Variants in KCNMA1 observed in about 807,000 individuals in gnomAD.
KCNMA1 encodes potassium calcium-activated channel subfamily M alpha 1.
Under a neutral mutation model 140.0 loss-of-function variants are expected in KCNMA1, and 29 were observed. The observed-to-expected ratio is 0.21, with a 90% CI of 0.15 to 0.28. The LOEUF (loss-of-function observed/expected upper bound fraction) is 0.28. Among genes scored for constraint, KCNMA1 ranks in the 10% least tolerant of loss-of-function variants. The pLI, the probability that KCNMA1 is intolerant of heterozygous loss-of-function variation, is 1.00. For synonymous variants in KCNMA1, 612 were observed against 611.9 expected (o/e 1.00, Z 0.00); for missense variants, 880 against 1,602.2 (o/e 0.55, Z 7.70).
intron 1 of KCNMA1, among the ~76,000 whole-genome samples, chr10:77,416,079 C>G (rs287183): frequency 6.6e-6 from 1 of 152,166 alleles, no homozygotes; most frequent in Non-Finnish European, 1.5e-5. Flanking sequence ...AGTCTAGGAA[C>G]CACTCCCCTA....
intron 1 of KCNMA1, among the ~76,000 whole-genome samples, chr10:77,520,724 C>T (rs962846206): frequency 3.3e-5 from 5 of 152,104 alleles, no homozygotes; most frequent in African/African-American, 1.2e-4. Context: ...GGATGGTAGG[C>T]TCACCCCAAG....
At chr10:77,480,161 C>T (rs2098361390) in intron 1 of KCNMA1, among the ~76,000 whole-genome samples, 1 of 152,336 alleles carries the variant, frequency 6.6e-6, no homozygotes, top group Non-Finnish European at 1.5e-5. Flanking sequence ...GTTTGTCCCC[C>T]ACACCCCTAA....
intron 14 of KCNMA1, chr10:77,071,131 C>G (rs1047919565): frequency 3.3e-5 from 5 of 152,222 alleles, no homozygotes; most frequent in Admixed American, 3.3e-4. Flanking sequence ...ATTAGCTGAG[C>G]TGGAGCGGAC....
intron 5 of KCNMA1, among the ~76,000 whole-genome samples, chr10:77,134,340 T>C (rs1486413503): frequency 6.6e-6 from 1 of 151,964 alleles, no homozygotes; most frequent in Non-Finnish European, 1.5e-5. Flanking sequence ...GTCAAAAGCA[T>C]GTATGTAAAA....
intron 5 of KCNMA1, among the ~76,000 whole-genome samples, chr10:77,123,049 G>A (rs1307885301): frequency 4.0e-5 from 6 of 151,160 alleles, no homozygotes; most frequent in Non-Finnish European, 7.4e-5. Flanking sequence ...GCGTGGTGGC[G>A]GGCGCCTGTA....
intron 1 of KCNMA1, among the ~76,000 whole-genome samples, chr10:77,424,805 T>C (rs996366511): frequency 4.6e-5 from 7 of 152,248 alleles, no homozygotes; most frequent in Non-Finnish European, 1.0e-4. Context: ...GCACTCAGCC[T>C]GGTTCAGTCC....
intron 3 of KCNMA1, among the ~76,000 whole-genome samples, chr10:77,214,228 T>G (rs77566191): frequency 0.058 from 8,792 of 152,288 alleles, 299 homozygotes; most frequent in South Asian, 0.084. Flanking sequence ...GCTTTCCAAT[T>G]TTCCAAGGCC....
At chr10:77,310,852 A>T (rs185164813) in intron 2 of KCNMA1, among the ~76,000 whole-genome samples, 21 of 152,358 alleles carry the variant, frequency 1.4e-4, no homozygotes, top group Admixed American at 1.4e-3. Context: ...CTTCAGCCCC[A>T]CATGAACAGA....
chr10:77,463,833 T>C (rs908173079), intron 1 of KCNMA1, among the ~76,000 whole-genome samples: 1 of 152,054 alleles, frequency 6.6e-6, no homozygotes, highest in East Asian at 1.9e-4. Context: ...GGAGGCAACA[T>C]GCAAATTAGT....
intron 1 of KCNMA1, among the ~76,000 whole-genome samples, chr10:77,506,845 GT>G: frequency 1.9e-5 from 1 of 53,088 alleles, no homozygotes. Flanking sequence ...GAGAGAGTGT[GT>G]GTGTGTGTGT....
intron 2 of KCNMA1, among the ~76,000 whole-genome samples, chr10:77,262,849 T>C (rs972292637): frequency 6.6e-5 from 10 of 152,110 alleles, no homozygotes; most frequent in Admixed American, 5.2e-4. Flanking sequence ...AAATCTCTTT[T>C]CTTTATAAAT....
chr10:77,546,230 G>A (rs1399872097), intron 1 of KCNMA1, among the ~76,000 whole-genome samples: 2 of 152,142 alleles, frequency 1.3e-5, no homozygotes, highest in Non-Finnish European at 1.5e-5. Flanking sequence ...ATAAGTGAGA[G>A]AACTGTCTCA....
At chr10:76,920,987 CT>C (rs2055532558) in intron 23 of KCNMA1, among the ~76,000 whole-genome samples, 1 of 152,170 alleles carries the variant, frequency 6.6e-6, no homozygotes, top group Non-Finnish European at 1.5e-5. Context: ...ACACAAAGTA[CT>C]TTCTAAATCT....
chr10:77,038,804 G>A (rs777485150), intron 15 of KCNMA1, among the ~76,000 whole-genome samples: 9 of 152,168 alleles, frequency 5.9e-5, no homozygotes, highest in Non-Finnish European at 1.0e-4. Context: ...GCTTCTAAAA[G>A]TGGTGGGATT....
chr10:77,079,988 G>GATGA (rs2096524423), intron 12 of KCNMA1, among the ~76,000 whole-genome samples: 4 of 152,290 alleles, frequency 2.6e-5, no homozygotes, highest in African/African-American at 9.6e-5. Flanking sequence ...GTAATGCATG[G>GATGA]ATGAATTCCA....
intron 1 of KCNMA1, among the ~76,000 whole-genome samples, chr10:77,596,898 T>A (rs1291327026): frequency 6.6e-6 from 1 of 152,204 alleles, no homozygotes; most frequent in Non-Finnish European, 1.5e-5. Flanking sequence ...TCTCTTTTTA[T>A]AGGTGTGACT....
intron 18 of KCNMA1, among the ~76,000 whole-genome samples, chr10:77,010,995 T>C (rs772026604): frequency 6.6e-6 from 1 of 152,014 alleles, no homozygotes; most frequent in Non-Finnish European, 1.5e-5. Flanking sequence ...AATCTCATCC[T>C]CTCAAACTTG....
chr10:77,504,848 C>T (rs1268162370), intron 1 of KCNMA1, among the ~76,000 whole-genome samples: 5 of 152,080 alleles, frequency 3.3e-5, no homozygotes, highest in Non-Finnish European at 2.9e-5. Flanking sequence ...TGATTGAATA[C>T]AAAATAATAT....
At chr10:77,071,927 G>A (rs1425759225) in intron 14 of KCNMA1, among the ~76,000 whole-genome samples, 1 of 152,138 alleles carries the variant, frequency 6.6e-6, no homozygotes, top group East Asian at 1.9e-4. Flanking sequence ...AGGTGCCCAA[G>A]GTGAGCACCA....
Sources: gnomAD v4.1 joint callset for allele counts (sites outside exome capture counted in the v4.1 genomes callset) on GRCh38, gnomAD v4.1.1 for gene constraint, MANE v1.5 for transcripts, NCBI Gene and HGNC (gene_info 2026-07-23, HGNC 2026-07-21) for gene names.